Variants in TTLL5 observed in about 807,000 individuals in gnomAD.
TTLL5 encodes tubulin polyglutamylase TTLL5.
In TTLL5, 132 loss-of-function variants were observed where a neutral mutation model predicts 168.4. The ratio of observed to expected loss-of-function variants is 0.78; its 90% confidence interval spans 0.68 to 0.91. The LOEUF (loss-of-function observed/expected upper bound fraction) is 0.91, where lower values mean the gene tolerates loss of function less well. TTLL5 is among the 40% of genes least tolerant of loss of function. The pLI is 0.00. For synonymous variants in TTLL5, 546 were observed against 558.6 expected (o/e 0.98, Z 0.32); for missense variants, 1,545 against 1,581.5 (o/e 0.98, Z 0.39).
At chr14:75,829,079 G>C (rs1895409920) in intron 28 of TTLL5, among the ~76,000 whole-genome samples, 1 of 152,194 alleles carries the variant, frequency 6.6e-6, no homozygotes, top group South Asian at 2.1e-4. Context: ...TTATTGAATA[G>C]GAAGATGAAA....
chr14:75,733,869 C>A, intron 13 of TTLL5, 120 bp from the exon 14 acceptor site: 1 of 867,342 alleles, frequency 1.2e-6, no homozygotes, highest in African/African-American at 1.7e-5. Flanking sequence ...ATTTTATGGG[C>A]TTTATGTGTT....
intron 2 of TTLL5, among the ~76,000 whole-genome samples, chr14:75,663,955 G>A (rs1285692051): frequency 1.3e-5 from 2 of 151,978 alleles, no homozygotes; most frequent in African/African-American, 4.8e-5. Context: ...GTGATGGTGG[G>A]TATCTGTAAT....
chr14:75,861,531 T>C (rs2030001987), intron 28 of TTLL5, among the ~76,000 whole-genome samples: 1 of 152,214 alleles, frequency 6.6e-6, no homozygotes, highest in South Asian at 2.1e-4. Context: ...TCAGGGTTCC[T>C]ACACCTCTGT....
At chr14:75,702,478 C>T (rs528383883) in intron 7 of TTLL5, among the ~76,000 whole-genome samples, 73 of 152,282 alleles carry the variant, frequency 4.8e-4, no homozygotes, top group African/African-American at 1.6e-3. Flanking sequence ...AGATATGAGT[C>T]AAAAAGAATA....
At chr14:75,678,459 A>G (rs1247073779) in intron 3 of TTLL5, among the ~76,000 whole-genome samples, 1 of 152,132 alleles carries the variant, frequency 6.6e-6, no homozygotes, top group East Asian at 1.9e-4. Flanking sequence ...AGATTTCCCC[A>G]TTGTTCCAAT....
intron 31 of TTLL5, among the ~76,000 whole-genome samples, chr14:75,915,277 T>G (rs1355232004): frequency 6.6e-6 from 1 of 152,216 alleles, no homozygotes; most frequent in African/African-American, 2.4e-5. Context: ...TGACAGGTGT[T>G]GAGTATTGTG....
intron 31 of TTLL5, chr14:75,930,655 C>A: frequency 1.0e-6 from 1 of 985,060 alleles, no homozygotes; most frequent in Non-Finnish European, 1.2e-6. Flanking sequence ...AGATAAGTGA[C>A]GGGGGGAAAT....
At chr14:75,896,394 G>T (rs1450769288) in intron 30 of TTLL5, among the ~76,000 whole-genome samples, 1 of 152,128 alleles carries the variant, frequency 6.6e-6, no homozygotes, top group Non-Finnish European at 1.5e-5. Flanking sequence ...AGGTTTGGGG[G>T]TGTTTGTTTT....
chr14:75,827,348 G>A (rs755499761), intron 28 of TTLL5, among the ~76,000 whole-genome samples: 23 of 152,280 alleles, frequency 1.5e-4, no homozygotes, highest in Middle Eastern at 6.8e-3. Context: ...TATTTATATT[G>A]TGAAGTAAGT....
chr14:75,726,349 G>A (rs182977298), intron 12 of TTLL5, among the ~76,000 whole-genome samples: 134 of 152,188 alleles, frequency 8.8e-4, no homozygotes, highest in Admixed American at 3.3e-3. Flanking sequence ...TATTTTGTAG[G>A]AAGTGGCTGC....
intron 27 of TTLL5, among the ~76,000 whole-genome samples, chr14:75,801,177 ACT>A (rs2140367537): frequency 6.6e-6 from 1 of 151,136 alleles, no homozygotes; most frequent in Admixed American, 6.6e-5. Context: ...AAGCTCAGAG[ACT>A]CTCCTTGGAC....
At chr14:75,838,433 A>T (rs1450773046) in intron 28 of TTLL5, 1 of 151,878 alleles carries the variant, frequency 6.6e-6, no homozygotes, top group East Asian at 1.9e-4. Context: ...GTGGTGGTGG[A>T]CACCTGTAGT....
chr14:75,683,934 C>T (rs569416324), intron 5 of TTLL5: 10 of 283,344 alleles, frequency 3.5e-5, no homozygotes, highest in South Asian at 2.1e-4. Context: ...CCACCATGCC[C>T]GGCTAATTTT....
intron 27 of TTLL5, among the ~76,000 whole-genome samples, chr14:75,815,058 G>A (rs1474610757): frequency 1.3e-5 from 2 of 152,172 alleles, no homozygotes; most frequent in Non-Finnish European, 2.9e-5. Context: ...AAGATTCTGA[G>A]ACCATCTCCA....
intron 6 of TTLL5, among the ~76,000 whole-genome samples, chr14:75,698,249 C>G (rs979622136): frequency 5.9e-5 from 9 of 152,190 alleles, no homozygotes; most frequent in African/African-American, 9.7e-5. Context: ...TTGCAAGCCT[C>G]TGGGAGGCTT....
At chr14:75,825,497 G>A (rs966949111) in intron 28 of TTLL5, among the ~76,000 whole-genome samples, 1 of 152,202 alleles carries the variant, frequency 6.6e-6, no homozygotes, top group African/African-American at 2.4e-5. Context: ...TTCCATTGCA[G>A]CTCAATGTTC....
chr14:75,953,596 C>G (rs1296476976), intron 31 of TTLL5, among the ~76,000 whole-genome samples: 7 of 151,928 alleles, frequency 4.6e-5, no homozygotes, highest in African/African-American at 1.7e-4. Context: ...GAGGGTCTAG[C>G]AGGGATGCAG....
intron 28 of TTLL5, chr14:75,838,691 G>C (rs1397212002): frequency 6.6e-6 from 1 of 152,526 alleles, no homozygotes; most frequent in African/African-American, 2.4e-5. Context: ...GCAGCTTTTT[G>C]AGTGCAGGAC....
chr14:75,934,105 A>G (rs1442990885), intron 31 of TTLL5, among the ~76,000 whole-genome samples: 1 of 152,256 alleles, frequency 6.6e-6, no homozygotes, highest in African/African-American at 2.4e-5. Context: ...CTGAGCCAGA[A>G]AGCCATGAGA....
Sources: gnomAD v4.1 joint callset for allele counts (sites outside exome capture counted in the v4.1 genomes callset) on GRCh38, gnomAD v4.1.1 for gene constraint, MANE v1.5 for transcripts, NCBI Gene and HGNC (gene_info 2026-07-23, HGNC 2026-07-21) for gene names.